The following MAPK10 variants were observed in gnomAD, a reference collection of about 807,000 sequenced individuals.
The protein encoded by MAPK10 is mitogen-activated protein kinase 10, also known as JNK3 alpha protein kinase.
MAPK10 carries 25 observed loss-of-function variants against 59.3 expected under a neutral mutation model. The observed-to-expected ratio is 0.42, with a 90% confidence interval of 0.31 to 0.59. The LOEUF (loss-of-function observed/expected upper bound fraction) is 0.59, where lower values mean the gene tolerates loss of function less well. Ranked by LOEUF, MAPK10 falls within the 20% of genes least tolerant of loss-of-function variation. MAPK10 has a pLI of 0.15. For synonymous variants in MAPK10, 190 were observed against 200.5 expected (o/e 0.95, Z 0.44); for missense variants, 351 against 568.9 (o/e 0.62, Z 3.90).
At chr4:86,212,133 C>T (rs916608966) in intron 2 of MAPK10, among the ~76,000 whole-genome samples, 3 of 151,446 alleles carry the variant, frequency 2.0e-5, no homozygotes, top group Non-Finnish European at 4.4e-5. Context: ...ATTCTTCTAT[C>T]AAAAGACAGA....
rs1250160253 is a variant in MAPK10, at chr4:86,011,034, T to C, written c.*6194A>G. The C allele has an allele frequency of 2.0e-5, 3 of 152,268 alleles. No individual in the cohort carries two copies. The highest frequency in any genetic ancestry group is 4.8e-5 in the African/African-American group (2 of 41,482). 9.4% of individuals were successfully genotyped at this position (152,268 alleles called of 1,614,324 possible). A position where few individuals can be genotyped will look rare whatever the true frequency, so the allele number is the denominator to read the frequency against. On this transcript the variant is annotated 3_prime_UTR_variant, in exon 14 of 14. Coordinates refer to ENST00000641462, the MANE Select transcript of MAPK10 (RefSeq NM_138982.4). ...GTTGGATTTTACACCAGGATAGGAA[T>C]GTCTTTAAAAGTAAGAAATATTTGA...
intron 2 of MAPK10, among the ~76,000 whole-genome samples, chr4:86,306,244 A>T (rs2095566265): frequency 6.6e-6 from 1 of 152,246 alleles, no homozygotes; most frequent in East Asian, 1.9e-4. Flanking sequence ...GAAGAGTGGC[A>T]GTGTTTTATA....
intron 2 of MAPK10, among the ~76,000 whole-genome samples, chr4:86,343,758 G>C (rs1726480247): frequency 6.6e-6 from 1 of 152,116 alleles, no homozygotes; most frequent in African/African-American, 2.4e-5. Context: ...ACAAAAAATT[G>C]AAACAATAGG....
chr4:86,017,166 T>C lies in MAPK10; in HGVS notation c.*62A>G. 1.4e-6 allele frequency: 2 copies of C among 1,421,446 alleles called. No individual in the cohort carries two copies. The highest frequency in any genetic ancestry group is 1.9e-6 in the Non-Finnish European group (2 of 1,032,578). The allele number at this position is 1,421,446 out of a possible 1,614,324, so 88.1% of individuals were successfully genotyped here. ...ATTTGTGTGTGTGTGTGTGTCTGCG[T>C]GTGTGTGTGTTCCATCACATCATCT... On this transcript the variant is annotated 3_prime_UTR_variant, in exon 14 of 14. Coordinates refer to ENST00000641462, the MANE Select transcript of MAPK10 (RefSeq NM_138982.4). The surrounding 1 kb of genome is among the most constrained non-coding windows in gnomAD (Gnocchi z 4.4).
intron 1 of MAPK10, among the ~76,000 whole-genome samples, chr4:86,553,586 T>C (rs1760025808): frequency 6.6e-6 from 1 of 152,118 alleles, no homozygotes; most frequent in African/African-American, 2.4e-5. Flanking sequence ...GGTCTCCCTG[T>C]CCCCAAGGGG....
chr4:86,376,066 T>C (rs775731792), intron 1 of MAPK10, among the ~76,000 whole-genome samples: 19 of 152,184 alleles, frequency 1.2e-4, no homozygotes, highest in Admixed American at 9.8e-4. Context: ...GTAGGAAAAA[T>C]TGAGATATGC....
chr4:86,379,147 T>C (rs1476078516), intron 1 of MAPK10, among the ~76,000 whole-genome samples: 3 of 152,194 alleles, frequency 2.0e-5, no homozygotes, highest in Non-Finnish European at 2.9e-5. Context: ...TTTCCCATGT[T>C]AAGGATCTGG....
chr4:86,114,579 G>C (rs2058029925), intron 4 of MAPK10, among the ~76,000 whole-genome samples: 1 of 152,218 alleles, frequency 6.6e-6, no homozygotes, highest in African/African-American at 2.4e-5. Flanking sequence ...ATACCAGAGG[G>C]GCACTGAGCT....
chr4:86,359,288 C>CTCTCTCTCTCTCTGTGTG (rs796310826), intron 1 of MAPK10, among the ~76,000 whole-genome samples: 21 of 94,622 alleles, frequency 2.2e-4, no homozygotes, highest in African/African-American at 4.8e-4. Flanking sequence ...CTCTCTCTCT[C>CTCTCTCTCTCTCTGTGTG]TGTGTGTGTG....
At chr4:86,088,813 T>C (rs183711951) in intron 9 of MAPK10, among the ~76,000 whole-genome samples, 36 of 152,296 alleles carry the variant, frequency 2.4e-4, no homozygotes, top group African/African-American at 8.4e-4. Flanking sequence ...GCCAAATGAA[T>C]ATTTCTCATT....
chr4:86,135,205 G>T (rs1479236349), intron 4 of MAPK10, among the ~76,000 whole-genome samples: 1 of 152,240 alleles, frequency 6.6e-6, no homozygotes, highest in Non-Finnish European at 1.5e-5. Context: ...AGGCCTGCCT[G>T]CCTCTGGAGG....
chr4:86,432,611 T>A (rs1389318951), intron 1 of MAPK10, among the ~76,000 whole-genome samples: 1 of 152,152 alleles, frequency 6.6e-6, no homozygotes, highest in African/African-American at 2.4e-5. Flanking sequence ...ACAAATTGGG[T>A]CTTCAGAAAA....
intron 11 of MAPK10, among the ~76,000 whole-genome samples, chr4:86,036,455 C>G (rs2040318940): frequency 6.6e-6 from 1 of 151,808 alleles, no homozygotes; most frequent in South Asian, 2.1e-4. Flanking sequence ...TGTTCTCTAT[C>G]TAGTTAAAGG....
chr4:86,128,266 T>C (rs1220886589), intron 4 of MAPK10, among the ~76,000 whole-genome samples: 1 of 152,132 alleles, frequency 6.6e-6, no homozygotes, highest in Non-Finnish European at 1.5e-5. Context: ...TAAAACCATA[T>C]GAAGTAAGTA....
At chr4:86,205,951 T>C (rs59379661) in intron 2 of MAPK10, among the ~76,000 whole-genome samples, 1 of 152,032 alleles carries the variant, frequency 6.6e-6, no homozygotes, top group Non-Finnish European at 1.5e-5. Context: ...TATTCAATAG[T>C]ACCCTGCAAA....
At chr4:86,266,968 T>C (rs1017159858) in intron 2 of MAPK10, among the ~76,000 whole-genome samples, 3 of 152,142 alleles carry the variant, frequency 2.0e-5, no homozygotes, top group Non-Finnish European at 2.9e-5. Context: ...TATAGATATG[T>C]ATTTATGTAT....
At chr4:86,161,089 G>A (rs528452375) in intron 3 of MAPK10, among the ~76,000 whole-genome samples, 6 of 151,964 alleles carry the variant, frequency 3.9e-5, no homozygotes, top group Admixed American at 2.0e-4. Context: ...AGTAGAATAC[G>A]TGTGACAGGC....
intron 4 of MAPK10, among the ~76,000 whole-genome samples, chr4:86,134,979 G>A (rs2061660454): frequency 4.6e-5 from 7 of 152,166 alleles, no homozygotes; most frequent in Admixed American, 4.6e-4. Flanking sequence ...TTTTCCGACG[G>A]GCTTAAAAAA....
chr4:86,227,191 T>C (rs2090769053), intron 2 of MAPK10, among the ~76,000 whole-genome samples: 1 of 151,988 alleles, frequency 6.6e-6, no homozygotes, highest in South Asian at 2.1e-4. Context: ...ATAAAGATGA[T>C]TAGAAAAAAG....
Sources: gnomAD v4.1 joint callset for allele counts (sites outside exome capture counted in the v4.1 genomes callset) on GRCh38, gnomAD v4.1.1 for gene constraint, Gnocchi (gnomAD v3.1) non-coding constraint, MANE v1.5 for transcripts, NCBI Gene and HGNC (gene_info 2026-07-23, HGNC 2026-07-21) for gene names.